Variants in MEF2C observed in about 807,000 individuals in gnomAD.
MEF2C encodes the protein myocyte enhancer factor 2C.
A neutral mutation model predicts 50.5 loss-of-function variants in MEF2C; 6 were observed. That is an observed-to-expected ratio of 0.12 (90% CI 0.07 to 0.23). The LOEUF is 0.23. MEF2C is among the 10% of genes least tolerant of loss of function. MEF2C has a pLI of 1.00. For synonymous variants in MEF2C, 183 were observed against 228.0 expected (o/e 0.80, Z 1.78); for missense variants, 276 against 605.0 (o/e 0.46, Z 5.70).
At chr5:88,743,517 A>G (rs1767862841) in intron 6 of MEF2C, 3 of 982,936 alleles carry the variant, frequency 3.1e-6, no homozygotes, top group South Asian at 4.7e-5. Context: ...TTCTTTTTCA[A>G]TGCTAGATGA....
chr5:88,766,811 A>G (rs1462657658), intron 3 of MEF2C: 1 of 985,318 alleles, frequency 1.0e-6, no homozygotes, highest in African/African-American at 1.7e-5. Flanking sequence ...TAGTTGCATC[A>G]ATGTCATGTT....
chr5:88,845,723 G>C (rs7734502), intron 1 of MEF2C, among the ~76,000 whole-genome samples: 1 of 151,986 alleles, frequency 6.6e-6, no homozygotes, highest in East Asian at 1.9e-4. Flanking sequence ...ATTTTAAATG[G>C]TAATAACACT....
At chr5:88,734,504 G>C (rs1429702589) in intron 6 of MEF2C, 4 of 980,546 alleles carry the variant, frequency 4.1e-6, no homozygotes, top group African/African-American at 1.8e-5. Flanking sequence ...CCTGTGATAT[G>C]ACAAGCACTG....
At chr5:88,747,155 G>T (rs1770115449) in intron 6 of MEF2C, among the ~76,000 whole-genome samples, 1 of 152,074 alleles carries the variant, frequency 6.6e-6, no homozygotes, top group South Asian at 2.1e-4. Context: ...TATCCCTAGA[G>T]GATCATTAAA....
chr5:88,833,777 C>T (rs1258392463), intron 1 of MEF2C, among the ~76,000 whole-genome samples: 4 of 152,016 alleles, frequency 2.6e-5, no homozygotes, highest in South Asian at 2.1e-4. Context: ...ATGGCTACTA[C>T]GATTTTTTTT....
chr5:88,720,904 G>A lies in MEF2C; in HGVS notation c.*1700C>T, dbSNP rs1371109739. On this transcript the variant is annotated 3_prime_UTR_variant, in exon 11 of 11. Coordinates refer to ENST00000504921, the MANE Select transcript of MEF2C (RefSeq NM_002397.5). ...TGACATACATGCTTTATGCAGAAGT[G>A]ACATTTGGGGGTCCTGACACACCGG... The A allele has an allele frequency of 6.6e-6, 1 of 152,510 alleles. No individual in the cohort carries two copies. The highest frequency in any genetic ancestry group is 6.5e-5 in the Admixed American group (1 of 15,274). 9.4% of individuals were successfully genotyped at this position (152,510 alleles called of 1,614,324 possible). A position where few individuals can be genotyped will look rare whatever the true frequency, so the allele number is the denominator to read the frequency against.
intron 1 of MEF2C, among the ~76,000 whole-genome samples, chr5:88,862,043 A>G (rs1215609935): frequency 6.6e-6 from 1 of 152,156 alleles, no homozygotes; most frequent in Non-Finnish European, 1.5e-5. Flanking sequence ...CCTCCACATG[A>G]AACAGGTCTT....
chr5:88,860,085 A>G (rs1292997408), intron 1 of MEF2C, among the ~76,000 whole-genome samples: 24 of 152,152 alleles, frequency 1.6e-4, no homozygotes, highest in Non-Finnish European at 1.5e-5. Context: ...TCTAATAATG[A>G]CTGGAAATGC....
chr5:88,846,396 A>C (rs1339735681), intron 1 of MEF2C, among the ~76,000 whole-genome samples: 4 of 152,176 alleles, frequency 2.6e-5, no homozygotes. Context: ...AAGTGCTACA[A>C]ATATATGGCA....
upstream of MEF2C, chr5:88,883,254 G>GGGGAGCGCGCGCGA (rs1554055800): frequency 1.3e-5 from 1 of 75,556 alleles, no homozygotes; most frequent in African/African-American, 6.7e-5. Context: ...GCGCGCGCGA[G>GGGGAGCGCGCGCGA]GGGGGGGGCG....
intron 3 of MEF2C, among the ~76,000 whole-genome samples, chr5:88,777,747 A>T (rs1313813362): frequency 6.6e-6 from 1 of 152,118 alleles, no homozygotes; most frequent in Non-Finnish European, 1.5e-5. Flanking sequence ...ATATCAACTG[A>T]ATAGATGGGA....
chr5:88,751,852 C>T lies in MEF2C; in HGVS notation c.589+5G>A. ...TGTTAGCATTACATCCTTATGAGGA[C>T]ATACCTGTGTTACCTGCACTTGGAG... On this transcript the variant is annotated splice_donor_5th_base_variant and intron_variant, in intron 5 of 10. Coordinates refer to ENST00000504921, the MANE Select transcript of MEF2C (RefSeq NM_002397.5). 1 of 1,613,640 alleles carries T rather than the reference C, an allele frequency of 6.2e-7. No individual in the cohort carries two copies. Among genetic ancestry groups the T allele is most frequent in the Non-Finnish European group, 8.5e-7 (1 of 1,179,610 alleles).
intron 3 of MEF2C, among the ~76,000 whole-genome samples, chr5:88,773,650 G>A (rs546285227): frequency 9.2e-5 from 14 of 152,218 alleles, no homozygotes; most frequent in African/African-American, 2.9e-4. Context: ...TTCTGGATAG[G>A]TGTCCTACAG....
At chr5:88,843,395 A>G in intron 1 of MEF2C, 1 of 985,272 alleles carries the variant, frequency 1.0e-6, no homozygotes, top group Non-Finnish European at 1.2e-6. Context: ...TGTTGAAATT[A>G]AGCTAAAAAA....
chr5:88,874,281 T>C (rs1830432989), intron 1 of MEF2C, among the ~76,000 whole-genome samples: 1 of 151,994 alleles, frequency 6.6e-6, no homozygotes, highest in Non-Finnish European at 1.5e-5. Context: ...GTTGAAACTT[T>C]ACAATGTATC....
At chr5:88,766,849 CA>C in intron 3 of MEF2C, 1 of 984,344 alleles carries the variant, frequency 1.0e-6, no homozygotes. Flanking sequence ...AAAAAAGCAT[CA>C]ACTTAGAAAA....
chr5:88,902,853 G>C (rs1433766619), intron 1 of MEF2C, among the ~76,000 whole-genome samples: 2 of 151,070 alleles, frequency 1.3e-5, no homozygotes. Flanking sequence ...AATGTATACT[G>C]TTGTTTCTTT....
Position 88,752,051 on chromosome 5 carries a change from A to G in MEF2C, c.403-8T>C. The G allele has an allele frequency of 6.3e-7, 1 of 1,592,570 alleles. No individual in the cohort carries two copies. Among genetic ancestry groups the G allele is most frequent in the Non-Finnish European group, 8.6e-7 (1 of 1,168,544 alleles). ...GTTGGGAGGTGGAACAGCCTGCAGGAACAGAAAACAAAACAAAGGTAAAAG... is the reference window on the plus strand; with the variant it reads ...GTTGGGAGGTGGAACAGCCTGCAGGGACAGAAAACAAAACAAAGGTAAAAG... On this transcript the variant is annotated splice_polypyrimidine_tract_variant and splice_region_variant and intron_variant, in intron 4 of 10. Transcript: ENST00000504921.
At chr5:88,739,021 T>A in intron 6 of MEF2C, 3 of 980,994 alleles carry the variant, frequency 3.1e-6, no homozygotes, top group Non-Finnish European at 3.6e-6. Flanking sequence ...GTCAATAATC[T>A]TCTCCCCTGT....
Sources: allele counts gnomAD v4.1 joint callset (sites outside exome capture counted in the v4.1 genomes callset), GRCh38; gene constraint gnomAD v4.1.1; transcripts MANE v1.5; gene names NCBI Gene and HGNC (gene_info 2026-07-23, HGNC 2026-07-21).